MAP3K5: variants seen among roughly 807,000 people sequenced by gnomAD.
The protein encoded by MAP3K5 is ASK-1.
Under a neutral mutation model 158.7 loss-of-function variants are expected in MAP3K5, and 56 were observed. The ratio of observed to expected loss-of-function variants is 0.35; its 90% CI spans 0.28 to 0.44. The LOEUF (loss-of-function observed/expected upper bound fraction) is 0.44, where lower values mean the gene tolerates loss of function less well. Ranked by LOEUF, MAP3K5 falls within the 20% of genes least tolerant of loss-of-function variation. The pLI, the probability that MAP3K5 is intolerant of heterozygous loss-of-function variation, is 1.00. For synonymous variants in MAP3K5, 579 were observed against 601.7 expected, an observed-to-expected ratio of 0.96 and a Z score of 0.55; for missense variants, 1,294 against 1,674.8, an observed-to-expected ratio of 0.77 and a Z score of 3.97.
intron 21 of MAP3K5, among the ~76,000 whole-genome samples, chr6:136,597,693 G>A (rs1268800820): frequency 1.3e-5 from 2 of 152,210 alleles, no homozygotes; most frequent in Non-Finnish European, 2.9e-5. Flanking sequence ...ACCAACTGAG[G>A]CATAGCTATA....
intron 1 of MAP3K5, among the ~76,000 whole-genome samples, chr6:136,729,868 G>C (rs1782133940): frequency 6.6e-6 from 1 of 152,240 alleles, no homozygotes; most frequent in Admixed American, 6.5e-5. Context: ...ACAGGATTCA[G>C]GGACTTGGTG....
chr6:136,724,094 T>C (rs746853806), intron 1 of MAP3K5, among the ~76,000 whole-genome samples: 18 of 152,038 alleles, frequency 1.2e-4, no homozygotes, highest in Non-Finnish European at 2.4e-4. Flanking sequence ...AAACACTTAC[T>C]GATGAAAAAT....
chr6:136,563,347 T>C (rs559591856), intron 26 of MAP3K5, among the ~76,000 whole-genome samples: 1 of 152,368 alleles, frequency 6.6e-6, no homozygotes, highest in African/African-American at 2.4e-5. Flanking sequence ...CAAATGTGCA[T>C]AATTTCATAA....
At position 136,690,718 on chromosome 6, in the gene MAP3K5, A is replaced by G. The variant is rs1426831483; in HGVS notation, c.1253+3422T>C. On this transcript the variant is annotated intron_variant, in intron 7 of 29. Transcript: ENST00000359015. ...TTTATATATACTGAATACATATCCT[A>G]TATTGGTTACATGCATTGTTCCCTG... is the stretch of plus-strand genomic sequence containing the variant. 1.3e-5 allele frequency among the ~76,000 whole-genome samples: 2 copies of G among 152,104 alleles called. 1 individual carries two copies. Among genetic ancestry groups the G allele is most frequent in the East Asian group, 3.8e-4 (2 of 5,198 alleles).
intron 1 of MAP3K5, among the ~76,000 whole-genome samples, chr6:136,742,454 CA>C (rs549443980): frequency 6.8e-6 from 1 of 148,076 alleles, no homozygotes; most frequent in Non-Finnish European, 1.5e-5. Context: ...AAAACAAAAA[CA>C]AAAAAAACAC....
chr6:136,732,451 A>G lies in MAP3K5; in HGVS notation c.449-11862T>C, dbSNP rs561415032. ...AACAAAACAAAACAAACAAACAAAC[A>G]AAAAGAAAACAAGGAGGGAAGTAAT... On this transcript the variant is annotated intron_variant, in intron 1 of 29. Coordinates refer to ENST00000359015, the MANE Select transcript of MAP3K5 (RefSeq NM_005923.4). 4.1e-5 allele frequency among the ~76,000 whole-genome samples: 6 copies of G among 146,598 alleles called. No individual in the cohort carries two copies. In the South Asian group the frequency reaches 1.0e-3, roughly 25 times the overall value.
chr6:136,785,715 C>T (rs1209544227), intron 1 of MAP3K5, among the ~76,000 whole-genome samples: 3 of 152,206 alleles, frequency 2.0e-5, no homozygotes, highest in African/African-American at 4.8e-5. Context: ...TGTCCCCTTC[C>T]TCACCACAGC....
In MAP3K5 at chr6:136,754,665, A is replaced by C. The variant is rs1292735358; in HGVS notation, c.449-34076T>G. On this transcript the variant is annotated intron_variant, in intron 1 of 29. Transcript: ENST00000359015. ...CCCCCACCCTATGCTTAATCTGCAG[A>C]AAAGGGAGATTGATCAAAGGTTTTG... Among the ~76,000 whole-genome samples, 4 of 152,270 alleles carry C rather than the reference A, an allele frequency of 2.6e-5. No homozygotes were observed. In the South Asian group the frequency reaches 6.2e-4, roughly 24 times the overall value.
chr6:136,750,786 G>A (rs961702940), intron 1 of MAP3K5, among the ~76,000 whole-genome samples: 2 of 152,140 alleles, frequency 1.3e-5, no homozygotes, highest in African/African-American at 4.8e-5. Flanking sequence ...AAGTCATCCT[G>A]AGTCCTAGTC....
intron 7 of MAP3K5, among the ~76,000 whole-genome samples, chr6:136,683,751 C>T (rs922568794): frequency 1.3e-5 from 2 of 152,092 alleles, no homozygotes; most frequent in African/African-American, 2.4e-5. Flanking sequence ...TTAGTTCATA[C>T]TTCTTCAACA....
intron 1 of MAP3K5, among the ~76,000 whole-genome samples, chr6:136,729,028 T>C (rs917715283): frequency 7.2e-5 from 11 of 152,188 alleles, no homozygotes; most frequent in African/African-American, 2.6e-4. Context: ...AAAACTAAGA[T>C]GGGTGTTATA....
At chr6:136,759,046 C>T (rs1367424654) in intron 1 of MAP3K5, among the ~76,000 whole-genome samples, 1 of 152,090 alleles carries the variant, frequency 6.6e-6, no homozygotes, top group Non-Finnish European at 1.5e-5. Flanking sequence ...TGGTGGCAGG[C>T]ACCTGTAATC....
At chr6:136,669,233 A>T (rs755432768) in intron 8 of MAP3K5, 50 bp downstream of exon 8, 1 of 1,163,252 alleles carries the variant, frequency 8.6e-7, no homozygotes, top group South Asian at 1.3e-5. Context: ...CTTTGCACCA[A>T]GTTGGGTCCA....
intron 8 of MAP3K5, among the ~76,000 whole-genome samples, chr6:136,662,811 T>C (rs1439999543): frequency 6.6e-6 from 1 of 152,220 alleles, no homozygotes; most frequent in East Asian, 1.9e-4. Context: ...TATTTTTCTC[T>C]ATTTAAAAAT....
intron 21 of MAP3K5, among the ~76,000 whole-genome samples, chr6:136,598,291 C>G (rs1410351441): frequency 2.0e-5 from 3 of 152,228 alleles, no homozygotes; most frequent in Non-Finnish European, 4.4e-5. Context: ...TTTGTCCTTA[C>G]TCATCAGGTG....
At chr6:136,741,349 T>C (rs1782700268) in intron 1 of MAP3K5, among the ~76,000 whole-genome samples, 1 of 152,222 alleles carries the variant, frequency 6.6e-6, no homozygotes, top group East Asian at 1.9e-4. Flanking sequence ...GGGAGCAAAA[T>C]TCAAATTATT....
chr6:136,760,516 T>G (rs1186114261), intron 1 of MAP3K5, among the ~76,000 whole-genome samples: 1 of 152,252 alleles, frequency 6.6e-6, no homozygotes, highest in African/African-American at 2.4e-5. Context: ...TTTGTTAATT[T>G]ATTGATTCAA....
At chr6:136,711,551 A>G (rs1402652111) in intron 2 of MAP3K5, among the ~76,000 whole-genome samples, 2 of 151,270 alleles carry the variant, frequency 1.3e-5, no homozygotes, top group Non-Finnish European at 2.9e-5. Flanking sequence ...CTATACACCC[A>G]GCTACTCAGG....
intron 1 of MAP3K5, among the ~76,000 whole-genome samples, chr6:136,783,161 C>G (rs1327610346): frequency 1.3e-5 from 2 of 151,906 alleles, no homozygotes; most frequent in Admixed American, 6.6e-5. Flanking sequence ...AAAAATTGGC[C>G]AGGCTTGGCT....
Sources: gnomAD v4.1 joint callset for allele counts (sites outside exome capture counted in the v4.1 genomes callset) on GRCh38, gnomAD v4.1.1 for gene constraint, MANE v1.5 for transcripts, NCBI Gene and HGNC (gene_info 2026-07-23, HGNC 2026-07-21) for gene names.